DIO2: variants seen among roughly 807,000 people sequenced by gnomAD.
The protein encoded by DIO2 is iodothyronine deiodinase 2, also known as type II iodothyronine deiodinase.
Under a neutral mutation model 21.4 loss-of-function variants are expected in DIO2, and 19 were observed. The observed-to-expected ratio is 0.89, with a 90% CI of 0.62 to 1.30. The LOEUF (loss-of-function observed/expected upper bound fraction) is 1.30, where lower values mean the gene tolerates loss of function less well. Ranked by LOEUF, DIO2 falls within the 50% of genes most tolerant of loss-of-function variation. The probability of loss-of-function intolerance (pLI) is 0.00; values close to 1 mark genes in which losing one functional copy is unlikely to be tolerated. For synonymous variants in DIO2, 122 were observed against 132.9 expected (o/e 0.92, Z 0.57); for missense variants, 302 against 338.1 (o/e 0.89, Z 0.84).
intron 2 of DIO2, among the ~76,000 whole-genome samples, chr14:80,230,283 G>T (rs1439135693): frequency 1.3e-5 from 2 of 152,064 alleles, no homozygotes; most frequent in Admixed American, 6.5e-5. Flanking sequence ...TCCAGTCAAT[G>T]CCCTCACTTT....
rs1887597116 is a variant in DIO2, at chr14:80,198,849, G to C, written c.*3840C>G. Reference sequence around the variant, plus strand: ...TCCACTGCTGAGACACATGACAGTGGGGATGTTCTGAAAAGCTCTAAATGC... The same window carrying C: ...TCCACTGCTGAGACACATGACAGTGCGGATGTTCTGAAAAGCTCTAAATGC... On this transcript the variant is annotated 3_prime_UTR_variant, in exon 2 of 2. Coordinates refer to ENST00000438257, the MANE Select transcript of DIO2 (RefSeq NM_013989.5). 1 of 151,850 alleles carries C rather than the reference G, an allele frequency of 6.6e-6. No homozygotes were observed. Among genetic ancestry groups the C allele is most frequent in the African/African-American group, 2.4e-5 (1 of 41,366 alleles). The allele number at this position is 151,850 out of a possible 1,614,324, so 9.4% of individuals were successfully genotyped here.
chr14:80,219,505 ATTTTTTTTT>A (rs61373366), intron 2 of DIO2: 3 of 107,684 alleles, frequency 2.8e-5, no homozygotes, highest in African/African-American at 3.5e-5. Flanking sequence ...ACTGTAAGTC[ATTTTTTTTT>A]TTTTTTTTTT....
intron 2 of DIO2, among the ~76,000 whole-genome samples, chr14:80,222,471 A>G (rs1888484012): frequency 6.6e-6 from 1 of 152,134 alleles, no homozygotes. Flanking sequence ...TATTTTGCTT[A>G]TTTTCCTTCT....
At chr14:80,227,814 T>G (rs1227458102) in intron 2 of DIO2, among the ~76,000 whole-genome samples, 1 of 152,216 alleles carries the variant, frequency 6.6e-6, no homozygotes, top group Non-Finnish European at 1.5e-5. Flanking sequence ...ATAAAGGGGC[T>G]GGAGTAGCCC....
intron 1 of DIO2, 21 bp from the exon 2 acceptor site, chr14:80,203,309 A>AG (rs1555354008): frequency 1.2e-4 from 173 of 1,422,684 alleles, no homozygotes; most frequent in South Asian, 1.1e-3. Context: ...AAAAAAAAAA[A>AG]AAGAAGAAGA....
chr14:80,226,206 T>C (rs530201640), intron 2 of DIO2, among the ~76,000 whole-genome samples: 1 of 152,292 alleles, frequency 6.6e-6, no homozygotes, highest in Non-Finnish European at 1.5e-5. Flanking sequence ...CAAAGTATTG[T>C]CACCTAGTTG....
At chr14:80,222,333 A>C (rs1888481252) in intron 2 of DIO2, among the ~76,000 whole-genome samples, 2 of 152,240 alleles carry the variant, frequency 1.3e-5, no homozygotes, top group South Asian at 4.1e-4. Flanking sequence ...CATAAAAATG[A>C]AATAAAAATG....
At chr14:80,207,293 A>G (rs536327523) in intron 1 of DIO2, among the ~76,000 whole-genome samples, 23 of 152,330 alleles carry the variant, frequency 1.5e-4, no homozygotes, top group Admixed American at 4.6e-4. Context: ...TGCATGGGGA[A>G]AAAGGAAATG....
chr14:80,212,587 C>T (rs1047495305), upstream of DIO2, among the ~76,000 whole-genome samples: 7 of 152,120 alleles, frequency 4.6e-5, no homozygotes, highest in Admixed American at 6.5e-5. Flanking sequence ...TTATCACAGG[C>T]GGTCTTTGCT....
rs1887654847 is a variant in DIO2, at chr14:80,200,091, A to G, written c.*2598T>C. 6.6e-6 allele frequency: 1 copy of G among 152,594 alleles called. No homozygotes were observed. Among genetic ancestry groups the G allele is most frequent in the Non-Finnish European group, 1.5e-5 (1 of 68,036 alleles). 9.5% of individuals were successfully genotyped at this position (152,594 alleles called of 1,614,324 possible). On this transcript the variant is annotated 3_prime_UTR_variant, in exon 2 of 2. Transcript: ENST00000438257. The stretch of plus-strand genomic sequence containing the variant: ...AGAAATCATAAAAATTCATGTTGCG[A>G]TAAATAGGTTACATAATTACAGGCT...
intron 2 of DIO2, among the ~76,000 whole-genome samples, chr14:80,225,334 C>T (rs1594883568): frequency 1.3e-5 from 2 of 152,166 alleles, no homozygotes; most frequent in South Asian, 4.1e-4. Context: ...GTCATAATTA[C>T]ACCTAACATA....
At chr14:80,213,253 C>A (rs1888268461), upstream of DIO2, among the ~76,000 whole-genome samples, 1 of 152,110 alleles carries the variant, frequency 6.6e-6, no homozygotes, top group Non-Finnish European at 1.5e-5. Context: ...TCCTGTGTTA[C>A]CTAATAGATC....
rs967227529 is a variant in DIO2 at position 80,197,542 on chromosome 14, T to A, written c.*5147A>T. On this transcript the variant is annotated 3_prime_UTR_variant, in exon 2 of 2. Transcript: ENST00000438257. ...ACCAAAGAGTAGCTTTATTCTTTTATTCAAAGTTTATTAAAATACAAGAAC... is the reference window on the plus strand; with the variant it reads ...ACCAAAGAGTAGCTTTATTCTTTTAATCAAAGTTTATTAAAATACAAGAAC... 6.6e-6 allele frequency: 1 copy of A among 152,648 alleles called. No homozygotes were observed. The highest frequency in any genetic ancestry group is 6.5e-5 in the Admixed American group (1 of 15,284). The allele number at this position is 152,648 out of a possible 1,614,324, so 9.5% of individuals were successfully genotyped here.
chr14:80,215,048 G>A (rs776894117), upstream of DIO2, among the ~76,000 whole-genome samples: 6 of 152,126 alleles, frequency 3.9e-5, no homozygotes, highest in African/African-American at 1.2e-4. Flanking sequence ...CCCGACTCAG[G>A]CTCCTTGTTT....
intron 1 of DIO2, among the ~76,000 whole-genome samples, chr14:80,203,858 T>G (rs1206466577): frequency 6.6e-6 from 1 of 152,160 alleles, no homozygotes; most frequent in Non-Finnish European, 1.5e-5. Flanking sequence ...GGTCTACCAC[T>G]TATAAGAAGT....
chr14:80,211,518 T>C (rs1318205900), upstream of DIO2: 1 of 1,104,952 alleles, frequency 9.1e-7, no homozygotes, highest in African/African-American at 1.8e-5. Context: ...CTGGTTCCCC[T>C]TCACCCTCTT....
In DIO2 at chr14:80,200,249, G is replaced by A. The variant is rs1334067039; in HGVS notation, c.*2440C>T. On this transcript the variant is annotated 3_prime_UTR_variant, in exon 2 of 2. Transcript: ENST00000438257. ...TGTTCTATTGAACATCTTCCTCCCT[G>A]ATAGCCCATGTCTTTCTATGTTTCC... 1 of 152,486 alleles carries A rather than the reference G, an allele frequency of 6.6e-6. No homozygotes were observed. Among genetic ancestry groups the A allele is most frequent in the African/African-American group, 2.4e-5 (1 of 41,394 alleles). The allele number at this position is 152,486 out of a possible 1,614,324, so 9.4% of individuals were successfully genotyped here. A position where few individuals can be genotyped will look rare whatever the true frequency, so the allele number is the denominator to read the frequency against.
intron 1 of DIO2, chr14:80,205,596 TA>T: frequency 6.0e-6 from 8 of 1,329,152 alleles, no homozygotes; most frequent in Non-Finnish European, 7.9e-6. Flanking sequence ...GGGACTCTCT[TA>T]TTACCTGCAG....
rs753317257 is a variant in DIO2 at position 80,206,226 on chromosome 14, C to T, written c.223-2938G>A. ...TAAAACTAAGAAGGAAAAACACACA[C>T]CCACCATCCATAAATCCAAATGTGA... On this transcript the variant is annotated intron_variant, in intron 1 of 1. Transcript: ENST00000438257. The T allele has an allele frequency of 5.3e-6, 8 of 1,506,342 alleles. No individual in the cohort carries two copies. In the African/African-American group the frequency reaches 1.1e-4, roughly 21 times the overall value. 93.3% of individuals were successfully genotyped at this position (1,506,342 alleles called of 1,614,324 possible). A position where few individuals can be genotyped will look rare whatever the true frequency, so the allele number is the denominator to read the frequency against.
Sources: allele counts gnomAD v4.1 joint callset (sites outside exome capture counted in the v4.1 genomes callset), GRCh38; gene constraint gnomAD v4.1.1; transcripts MANE v1.5; gene names NCBI Gene and HGNC (gene_info 2026-07-23, HGNC 2026-07-21).